SMIM40: variants seen among roughly 807,000 people sequenced by gnomAD.
SMIM40 encodes the protein small integral membrane protein 40.
intron 1 of SMIM40, among the ~76,000 whole-genome samples, chr6:33,328,066 A>G (rs975862278): frequency 6.6e-6 from 1 of 151,196 alleles, no homozygotes. Flanking sequence ...AGCCTGGGCG[A>G]CAGAGCAAGA....
At position 33,325,242 on chromosome 6, in the gene SMIM40, C is replaced by T. The variant is rs574782880; in HGVS notation, c.*40-1212G>A. Among the ~76,000 whole-genome samples the T allele has an allele frequency of 2.2e-4, 32 of 148,610 alleles. 2 individuals are homozygous for T. The highest frequency in any genetic ancestry group is 7.8e-4 in the African/African-American group (30 of 38,420). On this transcript the variant is annotated intron_variant, in intron 1 of 2. Transcript: ENST00000494082. ...ATTATCTGGGCTTGGTGGCACGCGC[C>T]TGTAGTCCCAGCTACTCGGGAGGCT... is the stretch of plus-strand genomic sequence containing the variant.
intron 1 of SMIM40, among the ~76,000 whole-genome samples, chr6:33,324,545 C>CT (rs9280406): frequency 2.7e-3 from 274 of 103,188 alleles, no homozygotes; most frequent in East Asian, 6.9e-3. Flanking sequence ...ACCACCTTTT[C>CT]TTTTTTTTTT....
chr6:33,328,090 A>G (rs1393072193), intron 1 of SMIM40, among the ~76,000 whole-genome samples: 3 of 151,768 alleles, frequency 2.0e-5, no homozygotes, highest in African/African-American at 7.2e-5. Flanking sequence ...CATCTCAAAA[A>G]AAAAATAAAA....
rs896385780 is a variant in SMIM40 at position 33,323,645 on chromosome 6, T to C, written c.*319A>G. 1 of 152,310 alleles carries C rather than the reference T, an allele frequency of 6.6e-6. No individual in the cohort carries two copies. The highest frequency in any genetic ancestry group is 1.5e-5 in the Non-Finnish European group (1 of 68,064). The allele number at this position is 152,310 out of a possible 1,614,324, so 9.4% of individuals were successfully genotyped here. A position where few individuals can be genotyped will look rare whatever the true frequency, so the allele number is the denominator to read the frequency against. ...ACGCGCCATAAAAGTGTTATTGTTA[T>C]TACTATTGTTGCTGATTTGCTTTTC... On this transcript the variant is annotated 3_prime_UTR_variant, in exon 3 of 3. Transcript: ENST00000494082.
At chr6:33,325,397 C>T (rs557249714) in intron 1 of SMIM40, among the ~76,000 whole-genome samples, 4 of 146,758 alleles carry the variant, frequency 2.7e-5, no homozygotes, top group African/African-American at 1.1e-4. Flanking sequence ...TTTATAGCGA[C>T]AGGGTCTTAC....
intron 1 of SMIM40, among the ~76,000 whole-genome samples, chr6:33,324,912 A>AAAAAAAAAT (rs1771067265): frequency 7.9e-6 from 1 of 126,910 alleles, no homozygotes; most frequent in African/African-American, 3.0e-5. Context: ...AAAAAAAAAA[A>AAAAAAAAAT]GGAAAAAAAA....
Position 33,327,571 on chromosome 6 carries a change from A to G in SMIM40, c.*39+1416T>C, listed in dbSNP as rs569501065. Among the ~76,000 whole-genome samples the G allele has an allele frequency of 3.6e-5, 5 of 140,230 alleles. No homozygotes were observed. In the South Asian group the frequency reaches 1.0e-3, roughly 29 times the overall value. 92.0% of individuals were successfully genotyped at this position (140,230 alleles called of 152,430 possible). ...AGTGAGACCTCATCTCAATAAATCA[A>G]TAAATAGGCTGGGCGCAGTGGCTCA... On this transcript the variant is annotated intron_variant, in intron 1 of 2. Coordinates refer to ENST00000494082, the MANE Select transcript of SMIM40 (RefSeq NM_001369203.1).
chr6:33,327,861 CAAAAA>C lies in SMIM40; in HGVS notation c.*39+1121_*39+1125del, dbSNP rs375476107. Among the ~76,000 whole-genome samples, 4 of 70,334 alleles carry C rather than the reference CAAAAA, an allele frequency of 5.7e-5. No individual in the cohort carries two copies. The South Asian group carries it at 2.6e-3, about 45-fold the overall frequency. 46.1% of individuals were successfully genotyped at this position (70,334 alleles called of 152,430 possible). On this transcript the variant is annotated intron_variant, in intron 1 of 2. Coordinates refer to ENST00000494082, the MANE Select transcript of SMIM40 (RefSeq NM_001369203.1). ...GCCTGGGCAACAGGAGACTCTGTCA[CAAAAA>C]AAAAAAAAAAAAAAGAGTTCAAGAC...
chr6:33,325,074 T>A (rs558536887), intron 1 of SMIM40, among the ~76,000 whole-genome samples: 41 of 150,978 alleles, frequency 2.7e-4, no homozygotes, highest in African/African-American at 8.3e-4. Context: ...TTAAAAAAAG[T>A]TTTTTGTGGA....
Position 33,329,241 on chromosome 6 carries a change from C to T in SMIM40, c.25G>A (p.Glu9Lys), listed in dbSNP as rs930175252. The change falls in exon 1 of 3, where the codon GAG becomes AAG. Residue 9 changes from glutamate (E) to lysine (K), a missense_variant. Coordinates refer to ENST00000494082, the MANE Select transcript of SMIM40 (RefSeq NM_001369203.1). MAEEGDVD[E>K]ADVFLAFAQG... ...GCAAATGCCAGGAACACATCCGCCT[C>T]GTCCACATCACCTTCCTCTGCCATC... The T allele has an allele frequency of 3.3e-5, 13 of 398,612 alleles. No homozygotes were observed. The highest frequency in any genetic ancestry group is 4.9e-5 in the Non-Finnish European group (11 of 226,160). The allele number at this position is 398,612 out of a possible 1,614,324, so 24.7% of individuals were successfully genotyped here. A position where few individuals can be genotyped will look rare whatever the true frequency, so the allele number is the denominator to read the frequency against.
At chr6:33,325,794 C>G (rs1467523523) in intron 1 of SMIM40, among the ~76,000 whole-genome samples, 1 of 146,300 alleles carries the variant, frequency 6.8e-6, no homozygotes, top group Admixed American at 6.7e-5. Flanking sequence ...GGAGGCGGAG[C>G]TTGCAGTGAG....
At chr6:33,326,790 C>G (rs1025665735) in intron 1 of SMIM40, among the ~76,000 whole-genome samples, 2 of 148,092 alleles carry the variant, frequency 1.4e-5, no homozygotes, top group African/African-American at 5.2e-5. Context: ...CGCCACTGCA[C>G]TCCAGCCTGG....
chr6:33,324,433 C>A (rs1771003200), intron 1 of SMIM40, among the ~76,000 whole-genome samples: 1 of 150,910 alleles, frequency 6.6e-6, no homozygotes. Flanking sequence ...CCCCTCCCCC[C>A]TCAAAAGTAT....
chr6:33,328,258 G>A (rs1226419309), intron 1 of SMIM40, among the ~76,000 whole-genome samples: 3 of 149,254 alleles, frequency 2.0e-5, no homozygotes, highest in Non-Finnish European at 4.4e-5. Context: ...GTGCGATCTC[G>A]GCTCACTGCA....
intron 1 of SMIM40, among the ~76,000 whole-genome samples, chr6:33,326,465 C>T (rs1169447794): frequency 4.0e-5 from 6 of 148,568 alleles, no homozygotes; most frequent in Non-Finnish European, 5.9e-5. Flanking sequence ...CGTGAAGCAC[C>T]GTGCCCGGCC....
chr6:33,325,485 G>A (rs1199753602), intron 1 of SMIM40, among the ~76,000 whole-genome samples: 1 of 148,906 alleles, frequency 6.7e-6, no homozygotes, highest in Non-Finnish European at 1.5e-5. Context: ...CTGGGATTAT[G>A]GGCGTGAACC....
intron 1 of SMIM40, among the ~76,000 whole-genome samples, chr6:33,325,879 C>T (rs1348588506): frequency 2.0e-5 from 3 of 147,064 alleles, no homozygotes; most frequent in Non-Finnish European, 4.4e-5. Flanking sequence ...AAAAAGTGTA[C>T]GATCACATGT....
rs369524045 is a variant in SMIM40, at chr6:33,329,237, G to A, written c.29C>T (p.Ala10Val). 9.0e-5 allele frequency: 36 copies of A among 398,692 alleles called. 1 individual carries two copies. The highest frequency in any genetic ancestry group is 3.7e-4 in the African/African-American group (18 of 48,754). 24.7% of individuals were successfully genotyped at this position (398,692 alleles called of 1,614,324 possible). The change falls in exon 1 of 3, where the codon GCG becomes GTG. Residue 10 changes from alanine to valine, a missense_variant. By Grantham distance (64) the Ala-to-Val change is moderately conservative. Transcript: ENST00000494082. The part of the protein sequence containing the change: MAEEGDVDE[A>V]DVFLAFAQGP... ...CTGGGCAAATGCCAGGAACACATCC[G>A]CCTCGTCCACATCACCTTCCTCTGC... is the stretch of plus-strand genomic sequence containing the variant.
At chr6:33,327,698 A>G (rs887607045) in intron 1 of SMIM40, among the ~76,000 whole-genome samples, 1 of 151,862 alleles carries the variant, frequency 6.6e-6, no homozygotes, top group Non-Finnish European at 1.5e-5. Context: ...TGTCTCTACT[A>G]AAAATACAAA....
Sources: allele counts gnomAD v4.1 joint callset (sites outside exome capture counted in the v4.1 genomes callset), GRCh38; gene constraint gnomAD v4.1.1; transcripts MANE v1.5; gene names NCBI Gene and HGNC (gene_info 2026-07-23, HGNC 2026-07-21).